The following SORCS2 variants were observed in gnomAD, a reference collection of about 807,000 sequenced individuals.
SORCS2 encodes sortilin related VPS10 domain containing receptor 2.
A neutral mutation model predicts 141.6 loss-of-function variants in SORCS2; 100 were observed. The observed-to-expected ratio is 0.71, with a 90% CI of 0.60 to 0.83. SORCS2 has a LOEUF of 0.83. Among genes scored for constraint, SORCS2 ranks in the 40% least tolerant of loss-of-function variants. The pLI, the probability that SORCS2 is intolerant of heterozygous loss-of-function variation, is 0.00. For missense variants in SORCS2, 1,646 were observed against 1,560.2 expected, an observed-to-expected ratio of 1.05 and a Z score of -0.93; for synonymous variants, 789 against 676.9, an observed-to-expected ratio of 1.17 and a Z score of -2.57.
In SORCS2 at chr4:7,638,415, A is replaced by C; in HGVS notation, c.736A>C (p.Ile246Leu). 1 of 1,602,206 alleles carries C rather than the reference A, an allele frequency of 6.2e-7. No individual in the cohort carries two copies. Among genetic ancestry groups the C allele is most frequent in the Non-Finnish European group, 8.5e-7 (1 of 1,175,146 alleles). ...DEGATFQKQPIPFFVETLIFH... is the reference protein window; with the variant it reads ...DEGATFQKQPLPFFVETLIFH... ...AGGCGCCACCTTTCAGAAGCAGCCC[A>C]TTCCCTTCTTCGTGGAAACTCTGAT... The change falls in exon 4 of 27, where the codon ATT (isoleucine) becomes CTT (leucine). Residue 246 changes from isoleucine (I) to leucine (L), a missense_variant. Coordinates refer to ENST00000507866, the MANE Select transcript of SORCS2 (RefSeq NM_020777.3).
At chr4:7,398,024 G>A (rs1267446194) in intron 2 of SORCS2, among the ~76,000 whole-genome samples, 1 of 152,206 alleles carries the variant, frequency 6.6e-6, no homozygotes, top group Non-Finnish European at 1.5e-5. Flanking sequence ...CAGCCTCTCA[G>A]CATGGCTGGA....
intron 1 of SORCS2, among the ~76,000 whole-genome samples, chr4:7,230,720 G>A (rs59556887): frequency 0.019 from 2,872 of 150,384 alleles, 40 homozygotes; most frequent in African/African-American, 0.066. Context: ...GTATGAAGGA[G>A]ATGAAGATGG....
intron 10 of SORCS2, among the ~76,000 whole-genome samples, chr4:7,685,451 T>A (rs1028796677): frequency 6.6e-6 from 1 of 152,122 alleles, no homozygotes; most frequent in Non-Finnish European, 1.5e-5. Context: ...GGCAGGCAGA[T>A]CACCTGAGGT....
chr4:7,490,532 C>A (rs1560328043), intron 2 of SORCS2, among the ~76,000 whole-genome samples: 1 of 152,096 alleles, frequency 6.6e-6, no homozygotes, highest in Non-Finnish European at 1.5e-5. Context: ...GTGGGGCTGC[C>A]TTGGAGCTTA....
chr4:7,455,961 C>G (rs998930747), intron 2 of SORCS2, among the ~76,000 whole-genome samples: 1 of 152,168 alleles, frequency 6.6e-6, no homozygotes, highest in Non-Finnish European at 1.5e-5. Context: ...GGGGCTTAAA[C>G]AAGAGTAATT....
At chr4:7,640,202 G>A (rs1720605369) in intron 4 of SORCS2, among the ~76,000 whole-genome samples, 1 of 149,660 alleles carries the variant, frequency 6.7e-6, no homozygotes, top group African/African-American at 2.5e-5. Context: ...GAGTGTGAGT[G>A]TGTACATGTA....
intron 3 of SORCS2, among the ~76,000 whole-genome samples, chr4:7,592,397 C>T (rs527666861): frequency 2.8e-4 from 42 of 152,294 alleles, no homozygotes; most frequent in African/African-American, 3.1e-4. Context: ...ATTCAAGAAA[C>T]GGGAGAAAGT....
intron 2 of SORCS2, among the ~76,000 whole-genome samples, chr4:7,506,587 G>T (rs1024770581): frequency 6.6e-6 from 1 of 152,126 alleles, no homozygotes; most frequent in Admixed American, 6.5e-5. Flanking sequence ...CAAACTGGCC[G>T]CATGGCCCTT....
chr4:7,706,723 G>A (rs1463385541), intron 14 of SORCS2, among the ~76,000 whole-genome samples: 1 of 143,846 alleles, frequency 7.0e-6, no homozygotes, highest in Admixed American at 6.8e-5. Flanking sequence ...ACAGAGATGA[G>A]GCTGGGCTCT....
chr4:7,219,633 T>C (rs2108758167), intron 1 of SORCS2, among the ~76,000 whole-genome samples: 1 of 152,224 alleles, frequency 6.6e-6, no homozygotes, highest in East Asian at 1.9e-4. Context: ...TATAAAACCA[T>C]CAGATCTCGT....
At chr4:7,452,892 C>A (rs4435749) in intron 2 of SORCS2, among the ~76,000 whole-genome samples, 1 of 136,572 alleles carries the variant, frequency 7.3e-6, no homozygotes, top group Non-Finnish European at 1.6e-5. Flanking sequence ...TGGGGTCAGG[C>A]GCTGTGTTGG....
Position 7,667,226 on chromosome 4 carries a change from C to T in SORCS2, c.1161+13C>T. 4 of 1,612,352 alleles carry T rather than the reference C, an allele frequency of 2.5e-6. No homozygotes were observed. The highest frequency in any genetic ancestry group is 3.4e-6 in the Non-Finnish European group (4 of 1,178,446). ...TGCATTGCCAAAGGTAAGGTGCTCC[C>T]CATTCCGCCTGGTCCTGTGGCCAGA... On this transcript the variant is annotated intron_variant, in intron 8 of 26. Coordinates refer to ENST00000507866, the MANE Select transcript of SORCS2 (RefSeq NM_020777.3).
chr4:7,389,572 A>C (rs543420353), intron 1 of SORCS2, among the ~76,000 whole-genome samples: 1 of 151,840 alleles, frequency 6.6e-6, no homozygotes, highest in Non-Finnish European at 1.5e-5. Flanking sequence ...TCATTCTGAC[A>C]CTCCCTGTGT....
At chr4:7,624,617 G>A (rs1464438702) in intron 3 of SORCS2, among the ~76,000 whole-genome samples, 2 of 152,210 alleles carry the variant, frequency 1.3e-5, no homozygotes, top group African/African-American at 4.8e-5. Flanking sequence ...CAAAGCTACT[G>A]AGATACATTC....
intron 1 of SORCS2, among the ~76,000 whole-genome samples, chr4:7,390,560 A>G (rs1723792067): frequency 6.6e-6 from 1 of 152,172 alleles, no homozygotes; most frequent in African/African-American, 2.4e-5. Flanking sequence ...CAAAGGGATT[A>G]TTGCGCGTCT....
intron 1 of SORCS2, among the ~76,000 whole-genome samples, chr4:7,225,655 G>A (rs1047339846): frequency 6.6e-6 from 1 of 152,112 alleles, no homozygotes; most frequent in African/African-American, 2.4e-5. Context: ...GCTAGACTGG[G>A]CTGGAGCTGG....
Position 7,742,503 on chromosome 4 carries a change from T to G in SORCS2, c.*2239T>G, listed in dbSNP as rs1336272785. On this transcript the variant is annotated 3_prime_UTR_variant, in exon 27 of 27. Coordinates refer to ENST00000507866, the MANE Select transcript of SORCS2 (RefSeq NM_020777.3). ...TTTTCCCCTTAGTTATCTGTGGGTTTCCTGTATTTTATGTTAATATTTCTA... is the reference window on the plus strand; with the variant it reads ...TTTTCCCCTTAGTTATCTGTGGGTTGCCTGTATTTTATGTTAATATTTCTA... The G allele has an allele frequency of 6.6e-6, 1 of 152,276 alleles. No individual in the cohort carries two copies. Among genetic ancestry groups the G allele is most frequent in the Non-Finnish European group, 1.5e-5 (1 of 68,062 alleles). 9.4% of individuals were successfully genotyped at this position (152,276 alleles called of 1,614,324 possible).
intron 1 of SORCS2, among the ~76,000 whole-genome samples, chr4:7,236,436 A>C (rs1157628230): frequency 1.3e-5 from 2 of 151,978 alleles, no homozygotes. Flanking sequence ...GGGGAGTCTG[A>C]GAGTCACGGG....
chr4:7,335,480 C>A, intron 1 of SORCS2, among the ~76,000 whole-genome samples: 1 of 152,230 alleles, frequency 6.6e-6, no homozygotes, highest in East Asian at 1.9e-4. Flanking sequence ...CCCAGGACGC[C>A]TTTTCTTTCT....
Sources: allele counts gnomAD v4.1 joint callset (sites outside exome capture counted in the v4.1 genomes callset), GRCh38; gene constraint gnomAD v4.1.1; transcripts MANE v1.5; gene names NCBI Gene and HGNC (gene_info 2026-07-23, HGNC 2026-07-21).